REEP5: variants seen among roughly 807,000 people sequenced by gnomAD.
The protein encoded by REEP5 is receptor accessory protein 5.
Under a neutral mutation model 22.4 loss-of-function variants are expected in REEP5, and 24 were observed. The ratio of observed to expected loss-of-function variants is 1.07; its 90% confidence interval spans 0.78 to 1.51. The LOEUF is 1.51. Ranked by LOEUF, REEP5 falls within the 40% of genes most tolerant of loss-of-function variation. The pLI is 0.00. For synonymous variants in REEP5, 103 were observed against 88.6 expected (o/e 1.16, Z -0.92); for missense variants, 252 against 233.0 (o/e 1.08, Z -0.53).
intron 4 of REEP5, among the ~76,000 whole-genome samples, chr5:112,886,099 T>G (rs79561862): frequency 6.6e-6 from 1 of 152,162 alleles, no homozygotes; most frequent in Non-Finnish European, 1.5e-5. Flanking sequence ...CTGGTTAGTG[T>G]CTAAGGAGTG....
chr5:112,887,310 G>A (rs1243149271), intron 3 of REEP5, 127 bp from the exon 4 acceptor site: 15 of 869,320 alleles, frequency 1.7e-5, no homozygotes, highest in Non-Finnish European at 2.2e-5. Context: ...GGCATTACCA[G>A]TGTTTTCTGC....
At position 112,891,180 on chromosome 5, in the gene REEP5, C is replaced by A. The variant is rs1028312902; in HGVS notation, c.352-3997G>T. ...CTCTGCCTCCTGGGTTCAAGCAGTT[C>A]TCCTGCCTCAGCCTCCCAAGTAGCT... On this transcript the variant is annotated intron_variant, in intron 3 of 4. Coordinates refer to ENST00000379638, the MANE Select transcript of REEP5 (RefSeq NM_005669.5). 1.4e-5 allele frequency among the ~76,000 whole-genome samples: 2 copies of A among 142,014 alleles called. 1 individual carries two copies. The highest frequency in any genetic ancestry group is 5.7e-5 in the African/African-American group (2 of 35,018). 93.2% of individuals were successfully genotyped at this position (142,014 alleles called of 152,430 possible).
chr5:112,900,162 ATACT>A (rs1299972775), intron 3 of REEP5, among the ~76,000 whole-genome samples: 1 of 152,200 alleles, frequency 6.6e-6, no homozygotes, highest in African/African-American at 2.4e-5. Context: ...CTTCCGTGAA[ATACT>A]TAACTTAGAA....
At position 112,893,199 on chromosome 5, in the gene REEP5, C is replaced by T. The variant is rs558504999; in HGVS notation, c.352-6016G>A. 203 of 450,378 alleles carry T rather than the reference C, an allele frequency of 4.5e-4. 1 individual carries two copies. Among genetic ancestry groups the T allele is most frequent in the African/African-American group, 3.9e-3 (190 of 49,290 alleles). 27.9% of individuals were successfully genotyped at this position (450,378 alleles called of 1,614,324 possible). A position where few individuals can be genotyped will look rare whatever the true frequency, so the allele number is the denominator to read the frequency against. On this transcript the variant is annotated intron_variant, in intron 3 of 4. Transcript: ENST00000379638. Reference sequence around the variant, plus strand: ...CTGAGGTGGGTGGATCACTTGAGGTCAGGAGTTTGAGGCCAGCCTGGCCAA... The same window carrying T: ...CTGAGGTGGGTGGATCACTTGAGGTTAGGAGTTTGAGGCCAGCCTGGCCAA...
At chr5:112,910,869 C>A (rs951134753) in intron 2 of REEP5, among the ~76,000 whole-genome samples, 3 of 152,212 alleles carry the variant, frequency 2.0e-5, no homozygotes, top group African/African-American at 7.2e-5. Context: ...CCTGGCAAAT[C>A]TGTCTTGACT....
In REEP5 at chr5:112,877,223, A is replaced by G. The variant is rs1767924369; in HGVS notation, c.*1563T>C. ...AGAGTGATACTGTCACTTAGTATTGATATCTTTAATATTTTTTACATCATG... is the reference window on the plus strand; with the variant it reads ...AGAGTGATACTGTCACTTAGTATTGGTATCTTTAATATTTTTTACATCATG... On this transcript the variant is annotated 3_prime_UTR_variant, in exon 5 of 5. Transcript: ENST00000379638. 3 of 152,128 alleles carry G rather than the reference A, an allele frequency of 2.0e-5. No individual in the cohort carries two copies. The South Asian group carries it at 6.2e-4, about 31-fold the overall frequency. 9.4% of individuals were successfully genotyped at this position (152,128 alleles called of 1,614,324 possible). A position where few individuals can be genotyped will look rare whatever the true frequency, so the allele number is the denominator to read the frequency against.
intron 3 of REEP5, chr5:112,891,601 A>G: frequency 1.3e-6 from 2 of 1,564,044 alleles, no homozygotes; most frequent in Non-Finnish European, 1.7e-6. Context: ...ATATTCCCAT[A>G]GGTTAAGAAT....
chr5:112,891,600 T>A, intron 3 of REEP5: 1 of 1,562,780 alleles, frequency 6.4e-7, no homozygotes. Context: ...TATATTCCCA[T>A]AGGTTAAGAA....
rs752747818 is a variant in REEP5, at chr5:112,892,927, A to G, written c.352-5744T>C. ...GAGGCACAATTCACCAAGCAGAGGAAGAAATAGGCACCGCAGCTGGGACCA... is the reference window on the plus strand; with the variant it reads ...GAGGCACAATTCACCAAGCAGAGGAGGAAATAGGCACCGCAGCTGGGACCA... On this transcript the variant is annotated intron_variant, in intron 3 of 4. Transcript: ENST00000379638. The G allele has an allele frequency of 3.1e-6, 5 of 1,604,520 alleles. No individual in the cohort carries two copies. In the African/African-American group the frequency reaches 5.4e-5, roughly 17 times the overall value.
intron 4 of REEP5, among the ~76,000 whole-genome samples, chr5:112,880,598 C>G (rs961935891): frequency 6.6e-6 from 1 of 152,202 alleles, no homozygotes; most frequent in African/African-American, 2.4e-5. Flanking sequence ...CCTAGTTAAT[C>G]CAAAAGCTTT....
chr5:112,890,936 C>A (rs1397351209), intron 3 of REEP5, among the ~76,000 whole-genome samples: 1 of 150,632 alleles, frequency 6.6e-6, no homozygotes, highest in Non-Finnish European at 1.5e-5. Context: ...AATTACTAAG[C>A]ATAGCAAGGA....
In REEP5 at chr5:112,902,210, A is replaced by AT. The variant is rs150628851; in HGVS notation, c.351+169dup. 1.2e-3 allele frequency among the ~76,000 whole-genome samples: 101 copies of AT among 85,268 alleles called. 1 individual carries two copies. The highest frequency in any genetic ancestry group is 4.8e-3 in the Admixed American group (51 of 10,714). The allele number at this position is 85,268 out of a possible 152,430, so 55.9% of individuals were successfully genotyped here. Reference sequence around the variant, plus strand: ...GCTGAGGCAAGTGGCTTGCTTGAGCATTTTTTTGTTTTTGTTTTTTTTGAG... The same window carrying AT: ...GCTGAGGCAAGTGGCTTGCTTGAGCATTTTTTTTGTTTTTGTTTTTTTTGAG... On this transcript the variant is annotated intron_variant, in intron 3 of 4. Transcript: ENST00000379638.
At position 112,921,516 on chromosome 5, in the gene REEP5, C is replaced by A; in HGVS notation, c.119-260G>T. The A allele has an allele frequency of 9.4e-6, 5 of 534,338 alleles. No homozygotes were observed. The South Asian group carries it at 1.0e-4, about 11-fold the overall frequency. The allele number at this position is 534,338 out of a possible 1,614,324, so 33.1% of individuals were successfully genotyped here. ...GGCCCCGGCGCTTTGCGCAGCAACCCCCGGCGCCCGGGACGGTCCCAGGCA... is the reference window on the plus strand; with the variant it reads ...GGCCCCGGCGCTTTGCGCAGCAACCACCGGCGCCCGGGACGGTCCCAGGCA... On this transcript the variant is annotated intron_variant, in intron 1 of 4. Transcript: ENST00000379638.
At chr5:112,892,462 G>A in intron 3 of REEP5, 3 of 1,614,160 alleles carry the variant, frequency 1.9e-6, no homozygotes, top group African/African-American at 1.3e-5. Flanking sequence ...GAGGGGCAAT[G>A]TATATGTTCA....
At chr5:112,882,506 C>T (rs571017736) in intron 4 of REEP5, among the ~76,000 whole-genome samples, 1 of 152,340 alleles carries the variant, frequency 6.6e-6, no homozygotes, top group South Asian at 2.1e-4. Context: ...TGTAGCTATA[C>T]CCATGTAGCT....
intron 2 of REEP5, 37 bp downstream of exon 2, chr5:112,921,126 G>A (rs754878475): frequency 1.3e-6 from 2 of 1,595,610 alleles, no homozygotes; most frequent in South Asian, 1.1e-5. Context: ...GAGGAATGGA[G>A]GAAGGGAAGG....
At chr5:112,914,955 T>C (rs1317853380) in intron 2 of REEP5, among the ~76,000 whole-genome samples, 1 of 152,258 alleles carries the variant, frequency 6.6e-6, no homozygotes, top group Non-Finnish European at 1.5e-5. Flanking sequence ...AATTTTGAAA[T>C]TGTTTTAAAA....
chr5:112,892,463 T>A, intron 3 of REEP5: 1 of 1,614,124 alleles, frequency 6.2e-7, no homozygotes, highest in Non-Finnish European at 8.5e-7. Flanking sequence ...AGGGGCAATG[T>A]ATATGTTCAG....
chr5:112,921,909 T>C, intron 1 of REEP5, 164 bp downstream of exon 1: 2 of 872,568 alleles, frequency 2.3e-6, no homozygotes, highest in Non-Finnish European at 3.2e-6. Flanking sequence ...GGTCCTCCGA[T>C]GCCCACGCTT....
Sources: allele counts gnomAD v4.1 joint callset (sites outside exome capture counted in the v4.1 genomes callset), GRCh38; gene constraint gnomAD v4.1.1; transcripts MANE v1.5; gene names NCBI Gene and HGNC (gene_info 2026-07-23, HGNC 2026-07-21).